The following KIF13A variants were observed in gnomAD, a reference collection of about 807,000 sequenced individuals.
The protein encoded by KIF13A is kinesin family member 13A.
A neutral mutation model predicts 212.2 loss-of-function variants in KIF13A; 79 were observed. That is an observed-to-expected ratio of 0.37 (90% CI 0.31 to 0.45). KIF13A has a LOEUF of 0.45. Among genes scored for constraint, KIF13A ranks in the 20% least tolerant of loss-of-function variants. KIF13A has a pLI of 1.00. For synonymous variants in KIF13A, 789 were observed against 808.6 expected (o/e 0.98, Z 0.41); for missense variants, 1,901 against 2,209.0 (o/e 0.86, Z 2.79).
At chr6:17,827,358 A>T (rs888007027) in intron 14 of KIF13A, among the ~76,000 whole-genome samples, 1 of 152,042 alleles carries the variant, frequency 6.6e-6, no homozygotes, top group Non-Finnish European at 1.5e-5. Flanking sequence ...TGGCCTCCCA[A>T]AGTGCTGGGA....
intron 33 of KIF13A, among the ~76,000 whole-genome samples, chr6:17,778,666 G>A (rs539568105): frequency 1.3e-5 from 2 of 152,156 alleles, no homozygotes; most frequent in South Asian, 2.1e-4. Context: ...TTGAAAATGG[G>A]GATTTCAACA....
rs1037624171 is a variant in KIF13A at position 17,800,024 on chromosome 6, A to G, written c.2544T>C (p.Ser848=). Reference sequence around the variant, plus strand: ...CTACGACTTCAAGGCTCCCACTTTCACTGGAATTCTCCGAAGAGTCATCCT... The same window carrying G: ...CTACGACTTCAAGGCTCCCACTTTCGCTGGAATTCTCCGAAGAGTCATCCT... ...VVEDDSSENS[S]ESGSLEVVDS... The change falls in exon 21 of 39, where the codon AGT becomes AGC. Residue 848 remains serine (S), a synonymous_variant. Coordinates refer to ENST00000259711, the MANE Select transcript of KIF13A (RefSeq NM_022113.6). 3.1e-6 allele frequency: 5 copies of G among 1,613,974 alleles called. No individual in the cohort carries two copies. Among genetic ancestry groups the G allele is most frequent in the Admixed American group, 3.3e-5 (2 of 60,004 alleles).
chr6:17,937,813 A>C (rs1776608205), intron 2 of KIF13A, among the ~76,000 whole-genome samples: 1 of 150,756 alleles, frequency 6.6e-6, no homozygotes, highest in Non-Finnish European at 1.5e-5. Flanking sequence ...ACAGTGGCAC[A>C]ATTTCGGCCA....
rs1457197719 is a variant in KIF13A, at chr6:17,968,985, A to G, written c.146+18069T>C. On this transcript the variant is annotated intron_variant, in intron 2 of 38. Coordinates refer to ENST00000259711, the MANE Select transcript of KIF13A (RefSeq NM_022113.6). This position sits in a 1 kb window ranked among gnomAD's most constrained non-coding sequence, Gnocchi z 4.7. ...CATATCTTTCATTATATTCAACTAT[A>G]AAACATCTACATCAGGTTGGTGTAG... Among the ~76,000 whole-genome samples, 1 of 151,736 alleles carries G rather than the reference A, an allele frequency of 6.6e-6. No individual in the cohort carries two copies. Among genetic ancestry groups the G allele is most frequent in the African/African-American group, 2.4e-5 (1 of 41,270 alleles).
downstream of KIF13A, chr6:17,760,620 C>G (rs1226296404): frequency 3.4e-6 from 2 of 582,114 alleles, no homozygotes; most frequent in Non-Finnish European, 6.2e-6. Flanking sequence ...ATTTTCAGTT[C>G]TCTTGCTTTC....
intron 2 of KIF13A, among the ~76,000 whole-genome samples, chr6:17,957,216 T>C (rs529380395): frequency 6.6e-6 from 1 of 152,248 alleles, no homozygotes; most frequent in South Asian, 2.1e-4. Flanking sequence ...CAATCATGTC[T>C]ATATAACAAG....
chr6:17,970,407 A>G (rs1779713418), intron 2 of KIF13A, among the ~76,000 whole-genome samples: 1 of 151,992 alleles, frequency 6.6e-6, no homozygotes, highest in Admixed American at 6.5e-5. Context: ...GTTTGAGACT[A>G]GCCTGGTCAA....
rs142562545 is a variant in KIF13A, at chr6:17,917,172, C to T, written c.147-18992G>A. Among the ~76,000 whole-genome samples the T allele has an allele frequency of 8.4e-4, 127 of 151,138 alleles. 1 individual carries two copies. The highest frequency in any genetic ancestry group is 2.9e-3 in the African/African-American group (119 of 41,128). ...CACTTTACTCACATATTCTACTCTA[C>T]GGGAAGGAGGAAAACGGAGGGGGAA... On this transcript the variant is annotated intron_variant, in intron 2 of 38. Transcript: ENST00000259711.
intron 2 of KIF13A, among the ~76,000 whole-genome samples, chr6:17,962,175 G>A (rs1296897719): frequency 6.6e-6 from 1 of 152,110 alleles, no homozygotes; most frequent in Non-Finnish European, 1.5e-5. Context: ...GCTGGGCGTG[G>A]TGGGGCGTGC....
At chr6:17,957,279 G>A (rs748235215) in intron 2 of KIF13A, among the ~76,000 whole-genome samples, 1 of 152,112 alleles carries the variant, frequency 6.6e-6, no homozygotes, top group African/African-American at 2.4e-5. Context: ...AGATCACTGA[G>A]CACATGGAGG....
intron 28 of KIF13A, among the ~76,000 whole-genome samples, chr6:17,784,863 G>A (rs931703886): frequency 6.6e-5 from 10 of 152,176 alleles, no homozygotes; most frequent in African/African-American, 2.4e-4. Context: ...TCAGAAAACA[G>A]ACCACGAAAC....
chr6:17,862,173 T>G (rs1267544244), intron 4 of KIF13A, among the ~76,000 whole-genome samples: 1 of 152,134 alleles, frequency 6.6e-6, no homozygotes, highest in African/African-American at 2.4e-5. Flanking sequence ...GCACCACCAC[T>G]GTTTTTACAA....
intron 20 of KIF13A, 80 bp downstream of exon 20, chr6:17,804,281 C>A: frequency 7.5e-7 from 1 of 1,333,020 alleles, no homozygotes; most frequent in Non-Finnish European, 1.0e-6. Context: ...AAGAACATAG[C>A]TTAAATAGAA....
rs1188800463 is a variant in KIF13A, at chr6:17,982,709, T to G, written c.146+4345A>C. On this transcript the variant is annotated intron_variant, in intron 2 of 38. Coordinates refer to ENST00000259711, the MANE Select transcript of KIF13A (RefSeq NM_022113.6). The surrounding 1 kb of genome is among the most constrained non-coding windows in gnomAD (Gnocchi z 5.1). ...ACATAAAATAATTAAGAACAAAAACTTCTGTAGAAAGCAAGTTCCACTATA... is the reference window on the plus strand; with the variant it reads ...ACATAAAATAATTAAGAACAAAAACGTCTGTAGAAAGCAAGTTCCACTATA... Among the ~76,000 whole-genome samples the G allele has an allele frequency of 6.6e-6, 1 of 152,156 alleles. No individual in the cohort carries two copies. Among genetic ancestry groups the G allele is most frequent in the Non-Finnish European group, 1.5e-5 (1 of 68,024 alleles).
rs1008786371 is a variant in KIF13A at position 17,912,234 on chromosome 6, G to C, written c.147-14054C>G. Reference sequence around the variant, plus strand: ...GTACCCTATAAATATATATACCTACGACATACCCAGAAAAATTAGAAGTTA... The same window carrying C: ...GTACCCTATAAATATATATACCTACCACATACCCAGAAAAATTAGAAGTTA... On this transcript the variant is annotated intron_variant, in intron 2 of 38. Coordinates refer to ENST00000259711, the MANE Select transcript of KIF13A (RefSeq NM_022113.6). This position sits in a 1 kb window ranked among gnomAD's most constrained non-coding sequence, Gnocchi z 4.2. Among the ~76,000 whole-genome samples, 1 of 151,626 alleles carries C rather than the reference G, an allele frequency of 6.6e-6. No individual in the cohort carries two copies. Among genetic ancestry groups the C allele is most frequent in the Non-Finnish European group, 1.5e-5 (1 of 67,954 alleles).
intron 7 of KIF13A, among the ~76,000 whole-genome samples, chr6:17,851,278 G>A (rs1767615408): frequency 6.6e-6 from 1 of 152,202 alleles, no homozygotes; most frequent in African/African-American, 2.4e-5. Context: ...TCACTGCACA[G>A]ATTAGTTTTA....
At chr6:17,882,031 C>T (rs1181238399) in intron 3 of KIF13A, 2 of 456,816 alleles carry the variant, frequency 4.4e-6, no homozygotes, top group South Asian at 3.1e-5. Flanking sequence ...CTTCTATGTT[C>T]CCTGCAGAAC....
chr6:17,820,469 T>TA (rs1210237602), intron 16 of KIF13A, among the ~76,000 whole-genome samples: 1 of 152,210 alleles, frequency 6.6e-6, no homozygotes, highest in Admixed American at 6.5e-5. Flanking sequence ...TTCAAGTCTT[T>TA]ACCCCACACA....
At chr6:17,830,811 C>A (rs891259467) in intron 13 of KIF13A, among the ~76,000 whole-genome samples, 2 of 152,156 alleles carry the variant, frequency 1.3e-5, no homozygotes. Flanking sequence ...CACCATCTCA[C>A]ACCTAGAGCC....
Sources: gnomAD v4.1 joint callset for allele counts (sites outside exome capture counted in the v4.1 genomes callset) on GRCh38, gnomAD v4.1.1 for gene constraint, Gnocchi (gnomAD v3.1) non-coding constraint, MANE v1.5 for transcripts, NCBI Gene and HGNC (gene_info 2026-07-23, HGNC 2026-07-21) for gene names.